EXOC2: variants seen among roughly 807,000 people sequenced by gnomAD.
EXOC2 encodes exocyst complex component 2.
A neutral mutation model predicts 131.8 loss-of-function variants in EXOC2; 70 were observed. The ratio of observed to expected loss-of-function variants is 0.53; its 90% CI spans 0.44 to 0.65. The LOEUF is 0.65. Among genes scored for constraint, EXOC2 ranks in the 30% least tolerant of loss-of-function variants. The pLI is 0.00. For synonymous variants in EXOC2, 411 were observed against 398.4 expected (o/e 1.03, Z -0.38); for missense variants, 923 against 1,108.6 (o/e 0.83, Z 2.38).
At chr6:677,552 T>C (rs1764201449) in intron 1 of EXOC2, among the ~76,000 whole-genome samples, 1 of 151,908 alleles carries the variant, frequency 6.6e-6, no homozygotes, top group Admixed American at 6.6e-5. Context: ...TGAGATGGAG[T>C]CTGCCTCCTG....
intron 17 of EXOC2, among the ~76,000 whole-genome samples, chr6:558,980 C>G (rs1757565755): frequency 1.3e-5 from 2 of 152,090 alleles, no homozygotes; most frequent in South Asian, 4.1e-4. Flanking sequence ...TGAGTGCTTT[C>G]AGTTGAACCG....
At chr6:565,074 T>A in intron 13 of EXOC2, 145 bp from the exon 14 acceptor site, 1 of 585,042 alleles carries the variant, frequency 1.7e-6, no homozygotes, top group Non-Finnish European at 2.7e-6. Flanking sequence ...TGTTTCTGAT[T>A]AAAGAATGAT....
intron 21 of EXOC2, among the ~76,000 whole-genome samples, chr6:553,392 T>TGTGG (rs761085265): frequency 1.9e-5 from 2 of 107,206 alleles, no homozygotes; most frequent in Non-Finnish European, 3.9e-5. Context: ...TGTGTATAAG[T>TGTGG]GTGTGTGTGT....
chr6:648,316 A>G (rs950377080), intron 1 of EXOC2, among the ~76,000 whole-genome samples: 3 of 152,206 alleles, frequency 2.0e-5, no homozygotes, highest in Non-Finnish European at 2.9e-5. Flanking sequence ...AATCTCTAAT[A>G]AAAGAAATAA....
chr6:499,340 C>T (rs1056516615), intron 24 of EXOC2, among the ~76,000 whole-genome samples: 1 of 151,972 alleles, frequency 6.6e-6, no homozygotes, highest in Admixed American at 6.5e-5. Flanking sequence ...GATAAACATC[C>T]TTGCAATCTA....
chr6:536,406 T>C (rs929546216), intron 22 of EXOC2, among the ~76,000 whole-genome samples: 3 of 151,944 alleles, frequency 2.0e-5, no homozygotes, highest in African/African-American at 7.3e-5. Context: ...ACAAAAGACA[T>C]GGAAAATCTC....
chr6:549,391 G>A (rs1000238887), intron 21 of EXOC2, 100 bp from the exon 22 acceptor site: 29 of 796,314 alleles, frequency 3.6e-5, no homozygotes, highest in East Asian at 7.5e-5. Context: ...GCTCTTTAAC[G>A]TCAATATCCA....
intron 24 of EXOC2, among the ~76,000 whole-genome samples, chr6:499,071 A>ATT (rs1455580001): frequency 2.0e-5 from 3 of 152,320 alleles, no homozygotes; most frequent in African/African-American, 4.8e-5. Flanking sequence ...AAAGCTTAAG[A>ATT]TGAAAGCGTG....
At chr6:544,957 C>A (rs1258767425) in intron 22 of EXOC2, among the ~76,000 whole-genome samples, 2 of 151,712 alleles carry the variant, frequency 1.3e-5, no homozygotes, top group East Asian at 3.9e-4. Context: ...ACCATCCTGG[C>A]TAACAAGGTG....
At position 637,240 on chromosome 6, in the gene EXOC2, GGTGGA is replaced by G. The variant is rs200177860; in HGVS notation, c.118+456_118+460del. The stretch of plus-strand genomic sequence containing the variant: ...TCACGATGAGGACACATGCCCGCCA[GGTGGA>G]GTGAAGACAGAGCCAACTGCTGCCC... On this transcript the variant is annotated intron_variant, in intron 2 of 27. Coordinates refer to ENST00000230449, the MANE Select transcript of EXOC2 (RefSeq NM_018303.6). 7.5e-3 allele frequency among the ~76,000 whole-genome samples: 1,150 copies of G among 152,328 alleles called. 14 individuals carry two copies. Among genetic ancestry groups the G allele is most frequent in the Middle Eastern group, 0.024 (7 of 294 alleles).
chr6:673,768 T>A (rs1423199518), intron 1 of EXOC2, among the ~76,000 whole-genome samples: 1 of 152,130 alleles, frequency 6.6e-6, no homozygotes, highest in Non-Finnish European at 1.5e-5. Flanking sequence ...GAAACACAAA[T>A]GAACTTAAAA....
chr6:493,977 G>T (rs1412748270), intron 25 of EXOC2, among the ~76,000 whole-genome samples: 1 of 152,194 alleles, frequency 6.6e-6, no homozygotes, highest in Non-Finnish European at 1.5e-5. Context: ...AGAGAGGGCG[G>T]ATGCCTGTTA....
At chr6:680,333 A>T (rs984100729) in intron 1 of EXOC2, among the ~76,000 whole-genome samples, 6 of 152,176 alleles carry the variant, frequency 3.9e-5, no homozygotes, top group African/African-American at 1.4e-4. Flanking sequence ...GTTTCCATTT[A>T]AAAAAGAAGA....
rs1209829703 is a variant in EXOC2, at chr6:485,959, G to A, written c.*712C>T. 1 of 152,234 alleles carries A rather than the reference G, an allele frequency of 6.6e-6. No individual in the cohort carries two copies. The highest frequency in any genetic ancestry group is 1.5e-5 in the Non-Finnish European group (1 of 68,050). 9.4% of individuals were successfully genotyped at this position (152,234 alleles called of 1,614,324 possible). Reference sequence around the variant, plus strand: ...ATCACAGATAACACACAGGGCCTCAGGGACTGCAACACGTGCATGTGTAGT... The same window carrying A: ...ATCACAGATAACACACAGGGCCTCAAGGACTGCAACACGTGCATGTGTAGT... On this transcript the variant is annotated 3_prime_UTR_variant, in exon 28 of 28. Transcript: ENST00000230449.
chr6:603,477 T>A (rs1345141873), intron 7 of EXOC2, among the ~76,000 whole-genome samples: 3 of 152,218 alleles, frequency 2.0e-5, no homozygotes, highest in African/African-American at 7.2e-5. Context: ...CGTCAGCACG[T>A]ACCCCTCTCA....
At chr6:675,128 T>A (rs1274907453) in intron 1 of EXOC2, among the ~76,000 whole-genome samples, 1 of 152,202 alleles carries the variant, frequency 6.6e-6, no homozygotes. Flanking sequence ...CCCACCCTCT[T>A]GGAACTGTGA....
At chr6:657,893 A>G (rs1763213044) in intron 1 of EXOC2, among the ~76,000 whole-genome samples, 1 of 152,136 alleles carries the variant, frequency 6.6e-6, no homozygotes, top group Non-Finnish European at 1.5e-5. Context: ...TCTGTCCATT[A>G]CATGTACTGT....
intron 11 of EXOC2, among the ~76,000 whole-genome samples, chr6:589,132 C>A (rs1218725538): frequency 6.6e-6 from 1 of 152,238 alleles, no homozygotes; most frequent in Non-Finnish European, 1.5e-5. Context: ...CTTGGTCAGA[C>A]CACATATCCT....
chr6:552,862 A>C (rs1757219117), intron 21 of EXOC2, among the ~76,000 whole-genome samples: 1 of 150,256 alleles, frequency 6.7e-6, no homozygotes, highest in South Asian at 2.1e-4. Flanking sequence ...GACACAGACC[A>C]CACACACACA....
Sources: allele counts gnomAD v4.1 joint callset (sites outside exome capture counted in the v4.1 genomes callset), GRCh38; gene constraint gnomAD v4.1.1; transcripts MANE v1.5; gene names NCBI Gene and HGNC (gene_info 2026-07-23, HGNC 2026-07-21).